NCKAP1L: variants seen among roughly 807,000 people sequenced by gnomAD.
NCKAP1L encodes the protein NCK associated protein 1 like, also known as nck-associated protein 1-like.
Under a neutral mutation model 139.2 loss-of-function variants are expected in NCKAP1L, and 53 were observed. The ratio of observed to expected loss-of-function variants is 0.38; its 90% CI spans 0.31 to 0.48. The LOEUF (loss-of-function observed/expected upper bound fraction) is 0.48. NCKAP1L is among the 20% of genes least tolerant of loss of function. The pLI, the probability that NCKAP1L is intolerant of heterozygous loss-of-function variation, is 0.98. For missense variants in NCKAP1L, 1,151 were observed against 1,381.9 expected, an observed-to-expected ratio of 0.83 and a Z score of 2.65; for synonymous variants, 468 against 499.7, an observed-to-expected ratio of 0.94 and a Z score of 0.85.
intron 9 of NCKAP1L, among the ~76,000 whole-genome samples, chr12:54,514,479 C>G (rs113620768): frequency 0.069 from 10,441 of 151,906 alleles, 463 homozygotes; most frequent in Admixed American, 0.12. Context: ...GTACAACCAC[C>G]CCCAGCTAAT....
chr12:54,521,315 C>T, intron 18 of NCKAP1L, 77 bp downstream of exon 18: 2 of 1,571,586 alleles, frequency 1.3e-6, no homozygotes, highest in South Asian at 1.1e-5. Context: ...CTTTGTTTCC[C>T]TCTCAGATGC....
At chr12:54,536,099 T>C in intron 27 of NCKAP1L, 30 bp from the exon 28 acceptor site, 1 of 1,517,572 alleles carries the variant, frequency 6.6e-7, no homozygotes, top group Non-Finnish European at 9.1e-7. Context: ...TTTATTCACT[T>C]TTCCTCTTTT....
intron 3 of NCKAP1L, among the ~76,000 whole-genome samples, chr12:54,504,462 G>T (rs1372868752): frequency 6.6e-6 from 1 of 152,194 alleles, no homozygotes; most frequent in Non-Finnish European, 1.5e-5. Flanking sequence ...GAGGCAGTGG[G>T]AAGAATGCTG....
At chr12:54,527,730 G>A (rs537239251) in intron 21 of NCKAP1L, among the ~76,000 whole-genome samples, 3 of 152,238 alleles carry the variant, frequency 2.0e-5, no homozygotes, top group African/African-American at 7.2e-5. Flanking sequence ...TGGGAGAGGC[G>A]GGTTGGTCAA....
rs528329866 is a variant in NCKAP1L, at chr12:54,542,895, A to G, written c.*210A>G. ...GAGGCAGGCTGGGAGCATGGAGGAC[A>G]GCTTATGGAAAAAGTTAGGGCGTGG... On this transcript the variant is annotated 3_prime_UTR_variant, in exon 31 of 31. Transcript: ENST00000293373. 2.1e-5 allele frequency: 10 copies of G among 487,228 alleles called. No homozygotes were observed. The highest frequency in any genetic ancestry group is 1.9e-4 in the African/African-American group (10 of 51,898). The allele number at this position is 487,228 out of a possible 1,614,324, so 30.2% of individuals were successfully genotyped here.
intron 3 of NCKAP1L, among the ~76,000 whole-genome samples, chr12:54,501,371 G>T (rs767503256): frequency 6.6e-6 from 1 of 152,146 alleles, no homozygotes; most frequent in Non-Finnish European, 1.5e-5. Context: ...CACTTAGGTT[G>T]CTTCCAAGTT....
chr12:54,532,367 G>C (rs1188632579), intron 26 of NCKAP1L, 117 bp downstream of exon 26: 2 of 602,768 alleles, frequency 3.3e-6, no homozygotes, highest in Non-Finnish European at 5.4e-6. Context: ...TAAGGGCGAG[G>C]GTTTGAATAG....
chr12:54,541,810 C>G (rs1002424847), intron 30 of NCKAP1L, among the ~76,000 whole-genome samples: 2 of 152,228 alleles, frequency 1.3e-5, no homozygotes, highest in African/African-American at 4.8e-5. Flanking sequence ...GTTTTTTAGT[C>G]TCATTACCTC....
Position 54,545,366 on chromosome 12 carries a change from T to A in NCKAP1L, c.*2681T>A, listed in dbSNP as rs1336944297. On this transcript the variant is annotated 3_prime_UTR_variant, in exon 31 of 31. Coordinates refer to ENST00000293373, the MANE Select transcript of NCKAP1L (RefSeq NM_005337.5). ...ACATGTTTAGCAGTAGAACTAGAAC[T>A]GGGACCCAAGTCTGATGTTCAGTCC... 6.6e-6 allele frequency: 1 copy of A among 152,224 alleles called. No individual in the cohort carries two copies. The highest frequency in any genetic ancestry group is 1.5e-5 in the Non-Finnish European group (1 of 68,036). 9.4% of individuals were successfully genotyped at this position (152,224 alleles called of 1,614,324 possible).
At position 54,516,233 on chromosome 12, in the gene NCKAP1L, C is replaced by A; in HGVS notation, c.942-6C>A. The A allele has an allele frequency of 6.2e-7, 1 of 1,613,866 alleles. No individual in the cohort carries two copies. The highest frequency in any genetic ancestry group is 8.5e-7 in the Non-Finnish European group (1 of 1,179,906). On this transcript the variant is annotated splice_region_variant and splice_polypyrimidine_tract_variant and intron_variant, in intron 9 of 30. Transcript: ENST00000293373. Reference sequence around the variant, plus strand: ...TCAACCCCATTGTGCTTGTGTCAATCCTCAGGTATGGCAAGAGAGTGGCAG... The same window carrying A: ...TCAACCCCATTGTGCTTGTGTCAATACTCAGGTATGGCAAGAGAGTGGCAG...
chr12:54,526,441 C>T (rs1957026169), intron 20 of NCKAP1L, 87 bp from the exon 21 acceptor site: 1 of 1,036,752 alleles, frequency 9.6e-7, no homozygotes, highest in African/African-American at 1.6e-5. Context: ...CCTAGCACAG[C>T]ACCTGGAACA....
chr12:54,511,121 A>C (rs1956885167), intron 7 of NCKAP1L, among the ~76,000 whole-genome samples: 1 of 152,244 alleles, frequency 6.6e-6, no homozygotes, highest in African/African-American at 2.4e-5. Context: ...CATTTTAAGC[A>C]GTAAAATAAT....
rs1956956898 is a variant in NCKAP1L at position 54,518,925 on chromosome 12, G to A, written c.1432G>A (p.Glu478Lys). 1 of 1,614,032 alleles carries A rather than the reference G, an allele frequency of 6.2e-7. No homozygotes were observed. Among genetic ancestry groups the A allele is most frequent in the Non-Finnish European group, 8.5e-7 (1 of 1,179,918 alleles). Residue 478 changes from glutamate to lysine, a missense_variant, in exon 15 of 31, where the codon GAA (glutamate) becomes AAA (lysine). By Grantham distance (56) the Glu-to-Lys change is moderately conservative. Transcript: ENST00000293373. ...SLNLKQVDNG[E>K]KFEFSGLRLD... is the part of the protein sequence containing the mutation. Reference sequence around the variant, plus strand: ...CGTTTTTCTTGCAGTTGATAATGGAGAAAAATTTGAATTCTCAGGATTGAG... The same window carrying A: ...CGTTTTTCTTGCAGTTGATAATGGAAAAAAATTTGAATTCTCAGGATTGAG...
chr12:54,542,234 T>C (rs1957163688), intron 30 of NCKAP1L, among the ~76,000 whole-genome samples: 1 of 152,076 alleles, frequency 6.6e-6, no homozygotes, highest in South Asian at 2.1e-4. Flanking sequence ...TTATACATCT[T>C]TACCTGCATC....
chr12:54,531,957 A>G (rs1022040809), intron 25 of NCKAP1L, 132 bp downstream of exon 25: 3 of 839,100 alleles, frequency 3.6e-6, no homozygotes, highest in Non-Finnish European at 5.6e-6. Flanking sequence ...GAGCATTGAG[A>G]AGAGGGAGAG....
chr12:54,511,721 A>C, intron 7 of NCKAP1L, 82 bp from the exon 8 acceptor site: 1 of 1,492,446 alleles, frequency 6.7e-7, no homozygotes, highest in Admixed American at 1.9e-5. Flanking sequence ...GTTAGTTTTG[A>C]TACTCAGATC....
intron 4 of NCKAP1L, 48 bp from the exon 5 acceptor site, chr12:54,508,341 G>T: frequency 6.2e-7 from 1 of 1,603,172 alleles, no homozygotes; most frequent in Non-Finnish European, 8.5e-7. Flanking sequence ...AGGAGATCCA[G>T]GTTAATTGGC....
intron 17 of NCKAP1L, 85 bp from the exon 18 acceptor site, chr12:54,521,034 C>T (rs1565678313): frequency 6.3e-7 from 1 of 1,584,716 alleles, no homozygotes; most frequent in East Asian, 2.2e-5. Flanking sequence ...CTGTAAGATT[C>T]AGGCAAGGGA....
intron 3 of NCKAP1L, among the ~76,000 whole-genome samples, chr12:54,507,327 G>A (rs1177283445): frequency 1.3e-5 from 2 of 152,100 alleles, no homozygotes; most frequent in Non-Finnish European, 2.9e-5. Context: ...TATCATACTA[G>A]AATGAGAGTT....
Sources: allele counts gnomAD v4.1 joint callset (sites outside exome capture counted in the v4.1 genomes callset), GRCh38; gene constraint gnomAD v4.1.1; transcripts MANE v1.5; gene names NCBI Gene and HGNC (gene_info 2026-07-23, HGNC 2026-07-21).